MBTPS1: variants seen among roughly 807,000 people sequenced by gnomAD.
The protein encoded by MBTPS1 is membrane-bound transcription factor site-1 protease.
In MBTPS1, 94 loss-of-function variants were observed where a neutral mutation model predicts 127.8. The ratio of observed to expected loss-of-function variants is 0.74; its 90% CI spans 0.62 to 0.87. The LOEUF is 0.87. MBTPS1 is among the 40% of genes least tolerant of loss of function. MBTPS1 has a pLI of 0.00. For missense variants in MBTPS1, 1,636 were observed against 1,353.2 expected (o/e 1.21, Z -3.28); for synonymous variants, 632 against 509.4 (o/e 1.24, Z -3.24).
Position 84,085,150 on chromosome 16 carries a change from G to T in MBTPS1, c.1135-16C>A. The T allele has an allele frequency of 6.2e-7, 1 of 1,613,292 alleles. No individual in the cohort carries two copies. Among genetic ancestry groups the T allele is most frequent in the South Asian group, 1.1e-5 (1 of 90,996 alleles). ...CTGGTAGCTCCTATGAATAAAAGCA[G>T]CTTGGTTGCTACATCTCGCACATTG... On this transcript the variant is annotated splice_polypyrimidine_tract_variant and intron_variant, in intron 9 of 22. Transcript: ENST00000343411.
intron 3 of MBTPS1, among the ~76,000 whole-genome samples, chr16:84,097,185 C>A (rs2086189280): frequency 6.6e-6 from 1 of 152,078 alleles, no homozygotes; most frequent in Non-Finnish European, 1.5e-5. Flanking sequence ...TGGGATAGAA[C>A]CAAATGGGTG....
At chr16:84,059,161 A>G in intron 21 of MBTPS1, 141 bp downstream of exon 21, 2 of 1,118,108 alleles carry the variant, frequency 1.8e-6, no homozygotes, top group East Asian at 2.5e-5. Flanking sequence ...TACGAGGTTC[A>G]CTAAATAACT....
chr16:84,083,195 G>A (rs900728175), intron 10 of MBTPS1, among the ~76,000 whole-genome samples: 2 of 152,212 alleles, frequency 1.3e-5, no homozygotes, highest in East Asian at 1.9e-4. Flanking sequence ...ATTAGAAGCT[G>A]CAGCCCTAAC....
chr16:84,066,695 C>G (rs908690808), intron 16 of MBTPS1, 82 bp from the exon 17 acceptor site: 2 of 1,344,168 alleles, frequency 1.5e-6, no homozygotes, highest in African/African-American at 2.9e-5. Flanking sequence ...TGACAAAACT[C>G]AATTTCTCCT....
At chr16:84,079,417 C>A (rs992668314) in intron 11 of MBTPS1, among the ~76,000 whole-genome samples, 2 of 152,114 alleles carry the variant, frequency 1.3e-5, no homozygotes, top group African/African-American at 4.8e-5. Flanking sequence ...AAAAGGAATA[C>A]AAACACGAAT....
chr16:84,087,630 G>C (rs1042529007), intron 8 of MBTPS1, among the ~76,000 whole-genome samples, 170 bp from the exon 9 acceptor site: 1 of 152,108 alleles, frequency 6.6e-6, no homozygotes, highest in Non-Finnish European at 1.5e-5. Flanking sequence ...CCTGTGAAAC[G>C]CATGATCCTG....
chr16:84,065,558 G>C, intron 18 of MBTPS1, 132 bp downstream of exon 18: 1 of 688,030 alleles, frequency 1.5e-6, no homozygotes, highest in Non-Finnish European at 2.6e-6. Context: ...AAGGGCAACT[G>C]TTATGGTATG....
rs1321950301 is a variant in MBTPS1 at position 84,095,782 on chromosome 16, C to T, written c.445G>A (p.Glu149Lys). ...TGCCACTTCTGGCTCCACCGGGTTTCATTGCAGGGTACTGTGGGGTCAGCT... is the reference window on the plus strand; with the variant it reads ...TGCCACTTCTGGCTCCACCGGGTTTTATTGCAGGGTACTGTGGGGTCAGCT... ...AESDPTVPCN[E>K]TRWSQKWQSS... The change falls in exon 4 of 23, where the codon GAA (glutamate) becomes AAA (lysine). Residue 149 changes from glutamate (E) to lysine (K), a missense_variant. Glu to Lys is a moderately conservative substitution (Grantham distance 56). Transcript: ENST00000343411. The T allele has an allele frequency of 6.2e-7, 1 of 1,613,934 alleles. No individual in the cohort carries two copies. Among genetic ancestry groups the T allele is most frequent in the East Asian group, 2.2e-5 (1 of 44,884 alleles).
rs191847531 is a variant in MBTPS1, at chr16:84,105,722, G to C, written c.-324-3615C>G. ...GCAGGTACACCCCAGCCAACAGCCG[G>C]AAATACGGACCTCTTCCATCCAATG... On this transcript the variant is annotated intron_variant, in intron 1 of 22. Coordinates refer to ENST00000343411, the MANE Select transcript of MBTPS1 (RefSeq NM_003791.4). Among the ~76,000 whole-genome samples, 86 of 152,230 alleles carry C rather than the reference G, an allele frequency of 5.6e-4. 1 individual carries two copies. The highest frequency in any genetic ancestry group is 5.0e-3 in the Admixed American group (77 of 15,288).
intron 6 of MBTPS1, among the ~76,000 whole-genome samples, chr16:84,092,790 T>G (rs1019134701): frequency 6.6e-6 from 1 of 152,044 alleles, no homozygotes; most frequent in African/African-American, 2.4e-5. Context: ...CAGAGGTAAA[T>G]AAAACAGCTC....
chr16:84,066,718 T>TC, intron 16 of MBTPS1, 105 bp from the exon 17 acceptor site: 1 of 1,165,168 alleles, frequency 8.6e-7, no homozygotes, highest in Non-Finnish European at 1.2e-6. Flanking sequence ...CACAATCCAG[T>TC]CCTTCCACAC....
Position 84,093,860 on chromosome 16 carries a change from G to A in MBTPS1, c.626-39C>T, listed in dbSNP as rs763074458. ...GAAAGCAAACACAATTATGTTTGAA[G>A]AAATCATCATTTTGGATTTTGCCTA... On this transcript the variant is annotated intron_variant, in intron 4 of 22. Coordinates refer to ENST00000343411, the MANE Select transcript of MBTPS1 (RefSeq NM_003791.4). 7.9e-6 allele frequency: 11 copies of A among 1,391,186 alleles called. No individual in the cohort carries two copies. In the East Asian group the frequency reaches 2.5e-4, roughly 32 times the overall value. The allele number at this position is 1,391,186 out of a possible 1,614,324, so 86.2% of individuals were successfully genotyped here.
chr16:84,055,700 C>T (rs1309002387), intron 22 of MBTPS1, among the ~76,000 whole-genome samples: 1 of 152,212 alleles, frequency 6.6e-6, no homozygotes. Flanking sequence ...GCTGGCAGAA[C>T]TTTCATAAAG....
At chr16:84,072,508 C>G (rs2085784931) in intron 12 of MBTPS1, among the ~76,000 whole-genome samples, 1 of 152,150 alleles carries the variant, frequency 6.6e-6, no homozygotes, top group African/African-American at 2.4e-5. Context: ...AAAGGCAAAT[C>G]AGGTCAGGCG....
At chr16:84,106,132 T>C (rs57207152) in intron 1 of MBTPS1, among the ~76,000 whole-genome samples, 15,985 of 151,886 alleles carry the variant, frequency 0.11, 2,081 homozygotes, top group African/African-American at 0.31. Context: ...CCACCTCTAC[T>C]AAAAACAAAA....
At chr16:84,065,180 T>G (rs1475326018) in intron 18 of MBTPS1, among the ~76,000 whole-genome samples, 1 of 151,426 alleles carries the variant, frequency 6.6e-6, no homozygotes, top group Non-Finnish European at 1.5e-5. Flanking sequence ...TGCAGTGGCA[T>G]GATCTTGGGT....
At chr16:84,066,953 A>G (rs2085693533) in intron 16 of MBTPS1, among the ~76,000 whole-genome samples, 1 of 152,240 alleles carries the variant, frequency 6.6e-6, no homozygotes, top group South Asian at 2.1e-4. Flanking sequence ...CAGATTCTAA[A>G]GAAACCGATT....
chr16:84,095,622 A>G lies in MBTPS1; in HGVS notation c.605T>C (p.Leu202Pro), dbSNP rs2086168138. 2.5e-6 allele frequency: 4 copies of G among 1,614,168 alleles called. No homozygotes were observed. Among genetic ancestry groups the G allele is most frequent in the African/African-American group, 1.3e-5 (1 of 75,050 alleles). ...CACACCTGTATATCCCATCTGCCAG[A>G]GCACATCTGCCTGCAGTGTCTGGGC... The part of the protein sequence containing the change: ...QVAQTLQADV[L>P]WQMGYTGANV... The change falls in exon 4 of 23, where the codon CTC (leucine) becomes CCC (proline). Residue 202 changes from leucine to proline, a missense_variant. Leu to Pro is a moderately conservative substitution (Grantham distance 98). Transcript: ENST00000343411.
intron 5 of MBTPS1, 149 bp from the exon 6 acceptor site, chr16:84,093,446 G>T (rs183325731): frequency 3.0e-6 from 2 of 659,402 alleles, no homozygotes; most frequent in African/African-American, 1.8e-5. Context: ...CCCCTTAGAC[G>T]TCACTGGCAC....
Sources: gnomAD v4.1 joint callset for allele counts (sites outside exome capture counted in the v4.1 genomes callset) on GRCh38, gnomAD v4.1.1 for gene constraint, MANE v1.5 for transcripts, NCBI Gene and HGNC (gene_info 2026-07-23, HGNC 2026-07-21) for gene names.